The following NBEA variants were observed in gnomAD, a reference collection of about 807,000 sequenced individuals.
NBEA encodes neurobeachin, also known as lysosomal-trafficking regulator 2.
Under a neutral mutation model 343.4 loss-of-function variants are expected in NBEA, and 44 were observed. That is an observed-to-expected ratio of 0.13 (90% confidence interval 0.10 to 0.16). NBEA has a LOEUF of 0.16. Among genes scored for constraint, NBEA ranks in the 10% least tolerant of loss-of-function variants. The probability of loss-of-function intolerance (pLI) is 1.00; values close to 1 mark genes in which losing one functional copy is unlikely to be tolerated. For synonymous variants in NBEA, 1,175 were observed against 1,238.7 expected (o/e 0.95, Z 1.08); for missense variants, 2,555 against 3,631.3 (o/e 0.70, Z 7.62).
intron 49 of NBEA, among the ~76,000 whole-genome samples, chr13:35,630,127 C>T (rs1023697583): frequency 1.3e-5 from 2 of 151,960 alleles, no homozygotes; most frequent in Admixed American, 1.3e-4. Flanking sequence ...AAGTGCAAGG[C>T]AGCATTAAAA....
At chr13:35,254,880 T>C (rs538743257) in intron 34 of NBEA, among the ~76,000 whole-genome samples, 42 of 152,156 alleles carry the variant, frequency 2.8e-4, no homozygotes, top group African/African-American at 7.7e-4. Context: ...TTCTCCTTTT[T>C]ATTGTTACAT....
intron 1 of NBEA, among the ~76,000 whole-genome samples, chr13:34,999,998 T>C (rs1490467185): frequency 2.0e-5 from 3 of 152,164 alleles, no homozygotes; most frequent in Non-Finnish European, 4.4e-5. Context: ...TACATACCTT[T>C]ATATGTATTT....
chr13:35,586,187 T>C (rs2081286900), intron 46 of NBEA, among the ~76,000 whole-genome samples: 1 of 152,230 alleles, frequency 6.6e-6, no homozygotes, highest in Non-Finnish European at 1.5e-5. Context: ...AAATATTTTT[T>C]CCCTTCACCT....
In NBEA at chr13:35,078,558, A is replaced by G. The variant is rs191716992; in HGVS notation, c.1571+7706A>G. On this transcript the variant is annotated intron_variant, in intron 10 of 58. Coordinates refer to ENST00000379939, the MANE Select transcript of NBEA (RefSeq NM_001385012.1). ...GCCGAAGAATGACCAACCAAGCCCA[A>G]CTTCAATGAGGGGATTTGGTTGTAA... 4.7e-4 allele frequency among the ~76,000 whole-genome samples: 71 copies of G among 152,262 alleles called. 1 individual carries two copies. Among genetic ancestry groups the G allele is most frequent in the Middle Eastern group, 3.4e-3 (1 of 294 alleles).
chr13:35,242,107 A>C (rs1247879972), intron 34 of NBEA, among the ~76,000 whole-genome samples: 3 of 151,924 alleles, frequency 2.0e-5, no homozygotes, highest in Non-Finnish European at 4.4e-5. Flanking sequence ...TTTTAAAAAT[A>C]ATTTAAAACA....
chr13:34,958,347 C>T (rs932140013), intron 1 of NBEA, among the ~76,000 whole-genome samples: 16 of 151,922 alleles, frequency 1.1e-4, no homozygotes, highest in Middle Eastern at 3.4e-3. Context: ...GGAGCAAAAA[C>T]GATTCATTTT....
In NBEA at chr13:35,173,885, T is replaced by C. The variant is rs183362821; in HGVS notation, c.4554+291T>C. ...TTCTATTTTTAATAGTCATATATTT[T>C]CACAGAATTTAATGTATGAATAATT... On this transcript the variant is annotated intron_variant, in intron 27 of 58. Coordinates refer to ENST00000379939, the MANE Select transcript of NBEA (RefSeq NM_001385012.1). 2.4e-3 allele frequency among the ~76,000 whole-genome samples: 368 copies of C among 152,334 alleles called. 1 individual carries two copies. Among genetic ancestry groups the C allele is most frequent in the African/African-American group, 8.5e-3 (354 of 41,590 alleles).
At chr13:35,209,454 C>T (rs572000550) in intron 32 of NBEA, among the ~76,000 whole-genome samples, 5 of 151,794 alleles carry the variant, frequency 3.3e-5, no homozygotes, top group East Asian at 3.9e-4. Flanking sequence ...AATCTAGGAA[C>T]AAAAAATTTC....
At chr13:35,376,812 C>CA (rs2041766530) in intron 38 of NBEA, among the ~76,000 whole-genome samples, 1 of 152,092 alleles carries the variant, frequency 6.6e-6, no homozygotes, top group African/African-American at 2.4e-5. Flanking sequence ...GTTGTGGGCA[C>CA]ATGCTGTAAT....
At chr13:35,414,923 T>A (rs2043813984) in intron 38 of NBEA, among the ~76,000 whole-genome samples, 1 of 152,212 alleles carries the variant, frequency 6.6e-6, no homozygotes, top group Admixed American at 6.5e-5. Context: ...ATGATCGCCA[T>A]TCTAACTGGT....
In NBEA at chr13:35,196,386, T is replaced by G. The variant is rs73505633; in HGVS notation, c.5366+84T>G. The stretch of plus-strand genomic sequence containing the variant: ...TTAATTTTAAAATATAAGGAAGATC[T>G]TGAAAACTTTATTAACGTAGATTCT... On this transcript the variant is annotated intron_variant, in intron 31 of 58. Transcript: ENST00000379939. 1,763 of 1,298,068 alleles carry G rather than the reference T, an allele frequency of 1.4e-3. 25 individuals carry two copies. In the African/African-American group the frequency reaches 0.024, roughly 18 times the overall value. The allele number at this position is 1,298,068 out of a possible 1,614,324, so 80.4% of individuals were successfully genotyped here.
chr13:35,462,873 G>A (rs2046984290), intron 40 of NBEA, among the ~76,000 whole-genome samples: 1 of 152,194 alleles, frequency 6.6e-6, no homozygotes, highest in Non-Finnish European at 1.5e-5. Context: ...GGCCTGAGAG[G>A]AGAGGTGGTC....
At chr13:34,992,238 G>GTATATA (rs60959090) in intron 1 of NBEA, among the ~76,000 whole-genome samples, 3,164 of 121,920 alleles carry the variant, frequency 0.026, 75 homozygotes, top group Admixed American at 0.052. Flanking sequence ...GTGTGTGTGT[G>GTATATA]TATATATATA....
chr13:35,313,669 G>A (rs1161809494), intron 36 of NBEA, among the ~76,000 whole-genome samples: 1 of 152,064 alleles, frequency 6.6e-6, no homozygotes, highest in East Asian at 1.9e-4. Flanking sequence ...AGTCTAGTGT[G>A]GGCAACAGCC....
At chr13:35,643,449 A>G (rs2084066648) in intron 49 of NBEA, among the ~76,000 whole-genome samples, 1 of 152,170 alleles carries the variant, frequency 6.6e-6, no homozygotes, top group Non-Finnish European at 1.5e-5. Context: ...TTTTTGTGGT[A>G]TTGAATTGTA....
chr13:35,367,338 C>G (rs1040326285), intron 38 of NBEA, among the ~76,000 whole-genome samples: 91 of 151,180 alleles, frequency 6.0e-4, no homozygotes, highest in African/African-American at 2.1e-3. Flanking sequence ...AATCTTAGAC[C>G]ATTAACATCT....
chr13:35,432,832 T>C (rs2045208414), intron 39 of NBEA, among the ~76,000 whole-genome samples: 1 of 151,976 alleles, frequency 6.6e-6, no homozygotes, highest in African/African-American at 2.4e-5. Context: ...CATATACACA[T>C]GTAATATATA....
chr13:35,104,340 AT>A (rs2065809317), intron 11 of NBEA, among the ~76,000 whole-genome samples: 1 of 151,840 alleles, frequency 6.6e-6, no homozygotes, highest in African/African-American at 2.4e-5. Flanking sequence ...CATGTTTTAT[AT>A]TTTTTACTAA....
intron 38 of NBEA, among the ~76,000 whole-genome samples, chr13:35,411,197 A>C (rs1271362582): frequency 6.6e-6 from 1 of 152,088 alleles, no homozygotes; most frequent in East Asian, 1.9e-4. Context: ...TACTTGTTTA[A>C]AATTTCTGTT....
Sources: gnomAD v4.1 joint callset for allele counts (sites outside exome capture counted in the v4.1 genomes callset) on GRCh38, gnomAD v4.1.1 for gene constraint, MANE v1.5 for transcripts, NCBI Gene and HGNC (gene_info 2026-07-23, HGNC 2026-07-21) for gene names.